PDE1A: variants seen among roughly 807,000 people sequenced by gnomAD.
PDE1A encodes phosphodiesterase 1A, also known as dual specificity calcium/calmodulin-dependent 3',5'-cyclic nucleotide phosphodiesterase 1A.
A neutral mutation model predicts 61.7 loss-of-function variants in PDE1A; 35 were observed. That is an observed-to-expected ratio of 0.57 (90% CI 0.43 to 0.75). PDE1A has a LOEUF of 0.75. PDE1A is among the 30% of genes least tolerant of loss of function. The probability of loss-of-function intolerance (pLI) is 0.00; values close to 1 mark genes in which losing one functional copy is unlikely to be tolerated. For missense variants in PDE1A, 597 were observed against 630.6 expected, an observed-to-expected ratio of 0.95 and a Z score of 0.57; for synonymous variants, 232 against 213.2, an observed-to-expected ratio of 1.09 and a Z score of -0.77.
chr2:182,156,234 A>G (rs1438835730), intron 13 of PDE1A, among the ~76,000 whole-genome samples: 1 of 152,232 alleles, frequency 6.6e-6, no homozygotes, highest in Non-Finnish European at 1.5e-5. Context: ...GTTTATAATT[A>G]TTAAGAACAA....
chr2:182,257,218 T>C (rs551962638), intron 2 of PDE1A, among the ~76,000 whole-genome samples: 1 of 152,192 alleles, frequency 6.6e-6, no homozygotes, highest in Non-Finnish European at 1.5e-5. Context: ...TTAACTACCC[T>C]CCTGTTCCAC....
At chr2:182,703,954 A>G in the PDE1A span, among the ~76,000 whole-genome samples, 1 of 151,908 alleles carries the variant, frequency 6.6e-6, no homozygotes, top group African/African-American at 2.4e-5. Flanking sequence ...TAATCCCAGC[A>G]CTTTGGGAGG....
At chr2:182,439,127 G>A (rs1184886340) in intron 2 of PDE1A, among the ~76,000 whole-genome samples, 1 of 152,036 alleles carries the variant, frequency 6.6e-6, no homozygotes, top group Non-Finnish European at 1.5e-5. Flanking sequence ...TATCTGGGAG[G>A]ATGGTGTAAG....
intron 2 of PDE1A, among the ~76,000 whole-genome samples, chr2:182,255,659 C>CTTTTTTTT (rs1303654382): frequency 7.5e-6 from 1 of 133,570 alleles, no homozygotes. Context: ...TCTTTCTTTT[C>CTTTTTTTT]TTTTTTTTTT....
chr2:182,690,452 A>G, the PDE1A span, among the ~76,000 whole-genome samples: 5 of 152,222 alleles, frequency 3.3e-5, no homozygotes, highest in Non-Finnish European at 7.3e-5. Flanking sequence ...CAATAGATGC[A>G]GAAAAGGCCT....
chr2:182,155,840 G>A (rs574621628), intron 13 of PDE1A, among the ~76,000 whole-genome samples: 60 of 152,154 alleles, frequency 3.9e-4, no homozygotes, highest in African/African-American at 6.0e-4. Context: ...GCAGTGAGCC[G>A]AGATTGCACC....
At chr2:182,644,263 CTGTGTGTGTGTGTGTG>C in the PDE1A span, among the ~76,000 whole-genome samples, 1 of 123,042 alleles carries the variant, frequency 8.1e-6, no homozygotes, top group Non-Finnish European at 1.7e-5. Flanking sequence ...TCTTAAGACT[CTGTGTGTGTGTGTGTG>C]TGTGTGTGTG....
At chr2:182,170,377 A>G (rs1027023651) in intron 13 of PDE1A, among the ~76,000 whole-genome samples, 1 of 152,102 alleles carries the variant, frequency 6.6e-6, no homozygotes, top group African/African-American at 2.4e-5. Flanking sequence ...AAATAAAAAT[A>G]TCTGTGAGAT....
At chr2:182,561,872 T>A in the PDE1A span, among the ~76,000 whole-genome samples, 1 of 152,172 alleles carries the variant, frequency 6.6e-6, no homozygotes, top group African/African-American at 2.4e-5. Context: ...GTTATTCGTG[T>A]ATAAGAATGC....
At chr2:182,353,286 T>C (rs1325398174) in intron 1 of PDE1A, among the ~76,000 whole-genome samples, 1 of 152,208 alleles carries the variant, frequency 6.6e-6, no homozygotes, top group Non-Finnish European at 1.5e-5. Flanking sequence ...TCCAGAATTA[T>C]TTGGTGTGAA....
intron 1 of PDE1A, among the ~76,000 whole-genome samples, chr2:182,277,384 C>T (rs1019257164): frequency 3.3e-5 from 5 of 152,064 alleles, no homozygotes; most frequent in African/African-American, 4.8e-5. Flanking sequence ...ATATTGCGGG[C>T]GGGTTCCCCC....
chr2:182,589,208 GGAAA>G, the PDE1A span, among the ~76,000 whole-genome samples: 1 of 141,814 alleles, frequency 7.1e-6, no homozygotes, highest in Non-Finnish European at 1.5e-5. Flanking sequence ...AAGGAAAGAG[GGAAA>G]GAAAGAGAAA....
chr2:182,180,641 G>C (rs926523273), intron 13 of PDE1A, among the ~76,000 whole-genome samples: 4 of 152,006 alleles, frequency 2.6e-5, no homozygotes, highest in Non-Finnish European at 5.9e-5. Context: ...TGTCTTGCTA[G>C]GTTGGGGAAG....
chr2:182,259,117 T>C (rs960350658), intron 2 of PDE1A, among the ~76,000 whole-genome samples: 3 of 152,246 alleles, frequency 2.0e-5, no homozygotes, highest in Admixed American at 1.3e-4. Flanking sequence ...GTACCCTAAA[T>C]GACGCTCAAT....
intron 1 of PDE1A, among the ~76,000 whole-genome samples, chr2:182,265,424 A>G (rs752424524): frequency 1.3e-5 from 2 of 152,088 alleles, no homozygotes; most frequent in Admixed American, 6.6e-5. Flanking sequence ...ACAAGAAAAA[A>G]TATACGTATG....
In PDE1A at chr2:182,224,301, G is replaced by A. The variant is rs563590708; in HGVS notation, c.676-337C>T. On this transcript the variant is annotated intron_variant, in intron 6 of 13. Coordinates refer to ENST00000351439, the Ensembl canonical transcript of PDE1A. ...GTTCTTCTGAAATCAATTACAGTTT[G>A]GTGATTTTTATCATACAGCTCATAC... 4.6e-5 allele frequency among the ~76,000 whole-genome samples: 7 copies of A among 151,854 alleles called. No individual in the cohort carries two copies. The South Asian group carries it at 1.5e-3, about 32-fold the overall frequency.
chr2:182,260,869 C>A (rs933008879), intron 2 of PDE1A, among the ~76,000 whole-genome samples: 2 of 152,048 alleles, frequency 1.3e-5, no homozygotes, highest in Non-Finnish European at 2.9e-5. Context: ...AATTGCACTT[C>A]ATAGCCCAAG....
At chr2:182,579,461 T>C in the PDE1A span, among the ~76,000 whole-genome samples, 5 of 152,218 alleles carry the variant, frequency 3.3e-5, no homozygotes, top group Non-Finnish European at 1.5e-5. Flanking sequence ...AAGTAGCTCA[T>C]AGCAAAGCAG....
At chr2:182,231,204 G>C (rs920708350) in intron 4 of PDE1A, 73 bp from the exon 5 acceptor site, 3 of 791,090 alleles carry the variant, frequency 3.8e-6, no homozygotes, top group Non-Finnish European at 6.3e-6. Flanking sequence ...CAAAAGATAA[G>C]GCATTGTACA....
Sources: gnomAD v4.1 joint callset for allele counts (sites outside exome capture counted in the v4.1 genomes callset) on GRCh38, gnomAD v4.1.1 for gene constraint, MANE v1.5 for transcripts, NCBI Gene and HGNC (gene_info 2026-07-23, HGNC 2026-07-21) for gene names.